Variants in KCNT1 observed in about 807,000 individuals in gnomAD.
KCNT1 encodes the protein potassium channel subfamily T member 1.
KCNT1 carries 78 observed loss-of-function variants against 147.8 expected under a neutral mutation model. The observed-to-expected ratio is 0.53, with a 90% confidence interval of 0.44 to 0.64. The LOEUF (loss-of-function observed/expected upper bound fraction) is 0.64, where lower values mean the gene tolerates loss of function less well. Among genes scored for constraint, KCNT1 ranks in the 30% least tolerant of loss-of-function variants. The pLI, the probability that KCNT1 is intolerant of heterozygous loss-of-function variation, is 0.00. For synonymous variants in KCNT1, 867 were observed against 748.8 expected, an observed-to-expected ratio of 1.16 and a Z score of -2.58; for missense variants, 1,419 against 1,750.3, an observed-to-expected ratio of 0.81 and a Z score of 3.38.
intron 2 of KCNT1, among the ~76,000 whole-genome samples, chr9:135,726,368 A>G (rs1226050648): frequency 6.6e-6 from 1 of 152,044 alleles, no homozygotes; most frequent in Admixed American, 6.5e-5. Context: ...CCCCAGGGAC[A>G]GAAGTGCCCC....
At chr9:135,759,496 G>A (rs1217698744) in intron 10 of KCNT1, among the ~76,000 whole-genome samples, 183 bp from the exon 11 acceptor site, 1 of 152,228 alleles carries the variant, frequency 6.6e-6, no homozygotes, top group Non-Finnish European at 1.5e-5. Context: ...GGCAGAGCTT[G>A]GGGACAGATG....
At chr9:135,728,750 C>T (rs1035701746) in intron 2 of KCNT1, among the ~76,000 whole-genome samples, 2 of 152,204 alleles carry the variant, frequency 1.3e-5, no homozygotes, top group Admixed American at 1.3e-4. Flanking sequence ...GGCATGTGCT[C>T]AGCAGCTGGT....
intron 1 of KCNT1, among the ~76,000 whole-genome samples, chr9:135,712,878 C>T (rs1388726790): frequency 6.6e-6 from 1 of 152,222 alleles, no homozygotes; most frequent in African/African-American, 2.4e-5. Flanking sequence ...AAGCAGCTTC[C>T]CAAGGGAAGA....
At chr9:135,774,093 T>G (rs11507042) in intron 19 of KCNT1, among the ~76,000 whole-genome samples, 1 of 145,540 alleles carries the variant, frequency 6.9e-6, no homozygotes, top group Non-Finnish European at 1.5e-5. Context: ...TAATGTGTGT[T>G]GTGTGTCAAC....
intron 1 of KCNT1, among the ~76,000 whole-genome samples, chr9:135,707,416 C>T (rs1392175082): frequency 6.6e-6 from 1 of 152,174 alleles, no homozygotes; most frequent in African/African-American, 2.4e-5. Flanking sequence ...CCATTGCCCC[C>T]AGCAGCCAGC....
chr9:135,726,968 T>C (rs1836193214), intron 2 of KCNT1, among the ~76,000 whole-genome samples: 1 of 111,446 alleles, frequency 9.0e-6, no homozygotes, highest in Admixed American at 8.8e-5. Context: ...TCCCTCTCCC[T>C]CTCTTTCCCA....
chr9:135,768,479 TCA>T (rs1219186025), intron 13 of KCNT1, 129 bp from the exon 14 acceptor site: 4 of 643,092 alleles, frequency 6.2e-6, no homozygotes, highest in Non-Finnish European at 1.1e-5. Flanking sequence ...AGCCGTCCTC[TCA>T]GTCTCTTTCT....
At chr9:135,707,411 G>T (rs1835300440) in intron 1 of KCNT1, among the ~76,000 whole-genome samples, 1 of 152,162 alleles carries the variant, frequency 6.6e-6, no homozygotes, top group African/African-American at 2.4e-5. Flanking sequence ...GATCACCATT[G>T]CCCCCAGCAG....
intron 2 of KCNT1, among the ~76,000 whole-genome samples, chr9:135,726,838 C>T (rs1484513871): frequency 3.7e-5 from 4 of 107,160 alleles, no homozygotes; most frequent in Admixed American, 9.5e-5. Context: ...TCACTCTCTC[C>T]CTGTCTCTCT....
At chr9:135,767,323 G>C (rs1832353830) in intron 13 of KCNT1, among the ~76,000 whole-genome samples, 1 of 152,218 alleles carries the variant, frequency 6.6e-6, no homozygotes, top group Non-Finnish European at 1.5e-5. Flanking sequence ...ATGAGCCCAG[G>C]GCTGTGGGTA....
chr9:135,726,943 CT>C, intron 2 of KCNT1, among the ~76,000 whole-genome samples: 1 of 13,660 alleles, frequency 7.3e-5, no homozygotes, highest in East Asian at 2.7e-3. Flanking sequence ...CTCCCTCTCC[CT>C]CTCTTTCCCA....
chr9:135,755,937 C>T (rs1831456135), intron 6 of KCNT1, among the ~76,000 whole-genome samples: 1 of 147,380 alleles, frequency 6.8e-6, no homozygotes, highest in South Asian at 2.2e-4. Context: ...AAGCCAGGCT[C>T]AGTAAAACAG....
At chr9:135,755,194 C>A in intron 6 of KCNT1, 25 bp downstream of exon 6, 1 of 1,597,116 alleles carries the variant, frequency 6.3e-7, no homozygotes, top group Non-Finnish European at 8.5e-7. Context: ...CTGCCCCCCT[C>A]CCGACTGCAG....
chr9:135,775,023 G>GTGCCCTGGGCAC (rs558986431), intron 19 of KCNT1, among the ~76,000 whole-genome samples: 46 of 152,300 alleles, frequency 3.0e-4, no homozygotes, highest in African/African-American at 1.0e-3. Flanking sequence ...ACCTGCATGG[G>GTGCCCTGGGCAC]TGCCCTGGGC....
chr9:135,720,445 C>T (rs1241360266), intron 2 of KCNT1, among the ~76,000 whole-genome samples: 1 of 152,114 alleles, frequency 6.6e-6, no homozygotes, highest in Non-Finnish European at 1.5e-5. Flanking sequence ...CTTCTAGAAT[C>T]ATCCCTCCTG....
chr9:135,771,868 C>T (rs1053009076), intron 18 of KCNT1, among the ~76,000 whole-genome samples: 1 of 152,350 alleles, frequency 6.6e-6, no homozygotes, highest in East Asian at 1.9e-4. Flanking sequence ...CATGTTGCCA[C>T]CTCCGTACAG....
chr9:135,765,872 G>A (rs1464341485), intron 13 of KCNT1, 112 bp downstream of exon 13: 3 of 1,057,422 alleles, frequency 2.8e-6, no homozygotes, highest in Non-Finnish European at 4.1e-6. Context: ...AGCCATGAGA[G>A]CATTATAGAC....
intron 26 of KCNT1, 50 bp from the exon 27 acceptor site, chr9:135,784,711 C>G: frequency 6.2e-7 from 1 of 1,609,192 alleles, no homozygotes; most frequent in South Asian, 1.1e-5. Flanking sequence ...GGCCAGGAGG[C>G]TCTGGGTGCT....
chr9:135,765,844 G>A (rs964837854), intron 13 of KCNT1, 84 bp downstream of exon 13: 59 of 1,272,360 alleles, frequency 4.6e-5, no homozygotes, highest in African/African-American at 4.4e-4. Flanking sequence ...ATTGACCGTC[G>A]CTCTCCTGGC....
Sources: gnomAD v4.1 joint callset for allele counts (sites outside exome capture counted in the v4.1 genomes callset) on GRCh38, gnomAD v4.1.1 for gene constraint, MANE v1.5 for transcripts, NCBI Gene and HGNC (gene_info 2026-07-23, HGNC 2026-07-21) for gene names.